The following MACROD2 variants were observed in gnomAD, a reference collection of about 807,000 sequenced individuals.
The protein encoded by MACROD2 is mono-ADP ribosylhydrolase 2.
In MACROD2, 36 loss-of-function variants were observed where a neutral mutation model predicts 70.4. That is an observed-to-expected ratio of 0.51 (90% confidence interval 0.39 to 0.68). The LOEUF is 0.68. Ranked by LOEUF, MACROD2 falls within the 30% of genes least tolerant of loss-of-function variation. The pLI, the probability that MACROD2 is intolerant of heterozygous loss-of-function variation, is 0.00. For synonymous variants in MACROD2, 172 were observed against 178.8 expected (o/e 0.96, Z 0.30); for missense variants, 496 against 538.4 (o/e 0.92, Z 0.78).
intron 4 of MACROD2, among the ~76,000 whole-genome samples, chr20:14,590,929 T>C (rs1199220964): frequency 6.6e-6 from 1 of 152,134 alleles, no homozygotes; most frequent in Admixed American, 6.5e-5. Flanking sequence ...TCTCAAAATC[T>C]TAGGTCTGCA....
chr20:14,968,197 C>T (rs1438908941), intron 5 of MACROD2, among the ~76,000 whole-genome samples: 1 of 152,104 alleles, frequency 6.6e-6, no homozygotes, highest in African/African-American at 2.4e-5. Context: ...TAAAATTTCT[C>T]TTCAAAAGCA....
chr20:14,677,112 T>G (rs891527865), intron 4 of MACROD2, among the ~76,000 whole-genome samples: 4 of 152,176 alleles, frequency 2.6e-5, no homozygotes, highest in African/African-American at 4.8e-5. Flanking sequence ...AGGATCAACT[T>G]GTTCATTTGC....
chr20:15,869,238 T>TATATATATATATATATATAGAG, intron 9 of MACROD2, among the ~76,000 whole-genome samples: 11 of 28,290 alleles, frequency 3.9e-4, no homozygotes, highest in African/African-American at 4.0e-4. Context: ...TATATATATA[T>TATATATATATATATATATAGAG]AGAGAGAGAG....
At chr20:14,739,892 G>A (rs2151395) in intron 5 of MACROD2, among the ~76,000 whole-genome samples, 140,654 of 152,054 alleles carry the variant, frequency 0.93, 65,116 homozygotes, top group East Asian at 1. Context: ...TTCATGGTAT[G>A]TTAAGGTAGG....
intron 8 of MACROD2, among the ~76,000 whole-genome samples, chr20:15,841,073 A>T (rs2064164651): frequency 6.6e-6 from 1 of 152,150 alleles, no homozygotes; most frequent in Non-Finnish European, 1.5e-5. Context: ...TTTTATCCTC[A>T]TCTCACATCT....
intron 8 of MACROD2, among the ~76,000 whole-genome samples, chr20:15,770,084 A>ATTTTTTTTTTTTTTTT (rs1234797549): frequency 2.4e-5 from 3 of 125,704 alleles, no homozygotes; most frequent in African/African-American, 9.8e-5. Flanking sequence ...ATTTATTTTA[A>ATTTTTTTTTTTTTTTT]TTTTCTTTTT....
chr20:14,233,234 A>G (rs1485201340), intron 3 of MACROD2, among the ~76,000 whole-genome samples: 1 of 152,220 alleles, frequency 6.6e-6, no homozygotes, highest in Non-Finnish European at 1.5e-5. Context: ...CCAAAACCTG[A>G]CACAGAGACA....
At chr20:15,077,906 T>C (rs1369297148) in intron 5 of MACROD2, among the ~76,000 whole-genome samples, 1 of 152,104 alleles carries the variant, frequency 6.6e-6, no homozygotes, top group Non-Finnish European at 1.5e-5. Flanking sequence ...TTCTGGAGGT[T>C]TTTCCTGATG....
chr20:15,635,776 C>A (rs535663130), intron 8 of MACROD2, among the ~76,000 whole-genome samples: 4 of 152,088 alleles, frequency 2.6e-5, no homozygotes, highest in African/African-American at 9.7e-5. Flanking sequence ...TTTTAGAAAT[C>A]CCCAAGGGCA....
At chr20:15,157,747 G>A (rs2076319577) in intron 5 of MACROD2, among the ~76,000 whole-genome samples, 1 of 152,090 alleles carries the variant, frequency 6.6e-6, no homozygotes, top group Non-Finnish European at 1.5e-5. Context: ...CAGGAAATCT[G>A]AGTACAGGAC....
chr20:14,685,854 A>C (rs551869005), intron 5 of MACROD2, among the ~76,000 whole-genome samples: 10 of 152,328 alleles, frequency 6.6e-5, no homozygotes, highest in Admixed American at 6.5e-4. Flanking sequence ...AGAAAATATG[A>C]ATGAAAATTT....
chr20:15,095,098 A>G (rs1035288382), intron 5 of MACROD2, among the ~76,000 whole-genome samples: 17 of 107,744 alleles, frequency 1.6e-4, no homozygotes, highest in African/African-American at 5.8e-4. Flanking sequence ...TTTTTTTTAG[A>G]CAGAGTCTCG....
At chr20:14,139,318 T>TAGGATAA in intron 3 of MACROD2, among the ~76,000 whole-genome samples, 1 of 152,298 alleles carries the variant, frequency 6.6e-6, no homozygotes, top group Admixed American at 6.5e-5. Context: ...CAAATATGCA[T>TAGGATAA]CATAGGTGTT....
intron 5 of MACROD2, among the ~76,000 whole-genome samples, chr20:14,995,483 C>T (rs6110486): frequency 1.3e-5 from 2 of 151,306 alleles, no homozygotes; most frequent in Non-Finnish European, 2.9e-5. Context: ...CAAGCCCAGC[C>T]TAGGCAGCGA....
At chr20:15,855,736 C>T (rs771042387) in intron 8 of MACROD2, among the ~76,000 whole-genome samples, 1 of 152,158 alleles carries the variant, frequency 6.6e-6, no homozygotes, top group African/African-American at 2.4e-5. Context: ...GATTTTGCCT[C>T]TTTCTATAAG....
intron 4 of MACROD2, among the ~76,000 whole-genome samples, chr20:14,656,851 G>T (rs1986001968): frequency 6.6e-6 from 1 of 152,122 alleles, no homozygotes; most frequent in African/African-American, 2.4e-5. Context: ...ATTTTGGGGG[G>T]AGATTTTCTG....
intron 3 of MACROD2, among the ~76,000 whole-genome samples, chr20:14,459,878 C>T (rs567839573): frequency 6.6e-6 from 1 of 152,164 alleles, no homozygotes; most frequent in Non-Finnish European, 1.5e-5. Context: ...CTCCCCTAGT[C>T]TCTCACCCCC....
intron 8 of MACROD2, among the ~76,000 whole-genome samples, chr20:15,577,118 G>A (rs930210944): frequency 2.0e-5 from 3 of 151,944 alleles, no homozygotes; most frequent in Admixed American, 6.6e-5. Flanking sequence ...GTAGAGAAAA[G>A]CATGAAAATA....
chr20:15,545,549 G>C (rs1464324528), intron 8 of MACROD2, among the ~76,000 whole-genome samples: 1 of 152,012 alleles, frequency 6.6e-6, no homozygotes, highest in African/African-American at 2.4e-5. Flanking sequence ...AGAATCATAG[G>C]GTCACCTTTA....
Sources: gnomAD v4.1 joint callset for allele counts (sites outside exome capture counted in the v4.1 genomes callset) on GRCh38, gnomAD v4.1.1 for gene constraint, MANE v1.5 for transcripts, NCBI Gene and HGNC (gene_info 2026-07-23, HGNC 2026-07-21) for gene names.